DYSF: variants seen among roughly 807,000 people sequenced by gnomAD.
DYSF encodes the protein dysferlin, also known as dystrophy-associated fer-1-like 1.
In DYSF, 212 loss-of-function variants were observed where a neutral mutation model predicts 274.9. The ratio of observed to expected loss-of-function variants is 0.77; its 90% CI spans 0.69 to 0.86. DYSF has a LOEUF of 0.86. DYSF is among the 40% of genes least tolerant of loss of function. DYSF has a pLI of 0.00. For synonymous variants in DYSF, 1,091 were observed against 1,078.7 expected, an observed-to-expected ratio of 1.01 and a Z score of -0.22; for missense variants, 2,666 against 2,783.2, an observed-to-expected ratio of 0.96 and a Z score of 0.95.
chr2:71,510,030 G>A (rs970268829), intron 4 of DYSF, among the ~76,000 whole-genome samples: 1 of 152,144 alleles, frequency 6.6e-6, no homozygotes, highest in African/African-American at 2.4e-5. Context: ...CGCCTGGCTC[G>A]GCCTCCCAAA....
chr2:71,668,186 C>G (rs905427915), intron 48 of DYSF, among the ~76,000 whole-genome samples: 1 of 152,206 alleles, frequency 6.6e-6, no homozygotes, highest in Non-Finnish European at 1.5e-5. Context: ...TTGTTTGGAA[C>G]TGAGCTCTCT....
chr2:71,472,913 TC>T (rs1483163177), intron 1 of DYSF, among the ~76,000 whole-genome samples: 1 of 152,248 alleles, frequency 6.6e-6, no homozygotes, highest in Non-Finnish European at 1.5e-5. Flanking sequence ...TGTTTGTTTT[TC>T]TTTAATTGGC....
chr2:71,586,794 A>G (rs1434455730), intron 30 of DYSF, among the ~76,000 whole-genome samples: 1 of 151,970 alleles, frequency 6.6e-6, no homozygotes, highest in Non-Finnish European at 1.5e-5. Context: ...GGAGAGAGGA[A>G]GGATGGGGCC....
At chr2:71,684,315 G>A (rs2095330350) in intron 55 of DYSF, among the ~76,000 whole-genome samples, 3 of 152,218 alleles carry the variant, frequency 2.0e-5, no homozygotes, top group Admixed American at 2.0e-4. Context: ...TGAGATCCGG[G>A]GTCAGGCCCC....
At chr2:71,453,989 C>G (rs939132018) in exon 1 of DYSF, 4 of 1,613,976 alleles carry the variant, frequency 2.5e-6, no homozygotes, top group Middle Eastern at 1.6e-4. Context: ...GGGCCCTACA[C>G]GCGCCAAGCA....
chr2:71,470,987 G>A (rs1356282106), intron 1 of DYSF, among the ~76,000 whole-genome samples: 1 of 151,796 alleles, frequency 6.6e-6, no homozygotes, highest in Non-Finnish European at 1.5e-5. Context: ...GTAGAGATGG[G>A]GTTTCACCAT....
At chr2:71,645,099 G>T (rs1466598212) in intron 42 of DYSF, among the ~76,000 whole-genome samples, 5 of 152,160 alleles carry the variant, frequency 3.3e-5, no homozygotes, top group Non-Finnish European at 5.9e-5. Context: ...TGTTACAGAG[G>T]ACTATTTCAG....
At chr2:71,554,061 G>T in intron 21 of DYSF, 130 bp downstream of exon 21, 1 of 1,409,616 alleles carries the variant, frequency 7.1e-7, no homozygotes, top group Non-Finnish European at 9.9e-7. Flanking sequence ...GACCTTTGTG[G>T]TTGGTGTCCT....
intron 14 of DYSF, among the ~76,000 whole-genome samples, chr2:71,528,655 G>T (rs763386866): frequency 6.6e-6 from 1 of 152,210 alleles, no homozygotes; most frequent in Non-Finnish European, 1.5e-5. Context: ...AGGAGAGGAC[G>T]TTGGATGGTG....
intron 3 of DYSF, among the ~76,000 whole-genome samples, chr2:71,488,140 C>G (rs1330786492): frequency 6.6e-6 from 1 of 151,920 alleles, no homozygotes; most frequent in Non-Finnish European, 1.5e-5. Context: ...TGAGCCAAAT[C>G]TGTGTTGGGA....
chr2:71,641,841 A>T (rs895340388), intron 41 of DYSF, among the ~76,000 whole-genome samples: 1 of 152,188 alleles, frequency 6.6e-6, no homozygotes. Flanking sequence ...GTTTTATTGC[A>T]GTATGGTCAG....
chr2:71,517,671 C>T (rs905280874), intron 10 of DYSF, among the ~76,000 whole-genome samples: 1 of 152,108 alleles, frequency 6.6e-6, no homozygotes, highest in Non-Finnish European at 1.5e-5. Flanking sequence ...AGTTAGGCTC[C>T]TATCTTCCGA....
At chr2:71,505,070 A>G (rs921273665) in intron 4 of DYSF, among the ~76,000 whole-genome samples, 4 of 152,220 alleles carry the variant, frequency 2.6e-5, no homozygotes, top group South Asian at 2.1e-4. Flanking sequence ...CTAGCTGAGC[A>G]CAGGCTGGAA....
At chr2:71,553,279 G>A (rs555225620) in intron 20 of DYSF, 91 bp downstream of exon 20, 1 of 1,584,186 alleles carries the variant, frequency 6.3e-7, no homozygotes, top group African/African-American at 1.3e-5. Context: ...AAAGCTGCCA[G>A]AGTCTACTCA....
intron 37 of DYSF, 42 bp from the exon 38 acceptor site, chr2:71,611,423 C>T (rs2093758506): frequency 6.2e-7 from 1 of 1,613,986 alleles, no homozygotes; most frequent in African/African-American, 1.3e-5. Flanking sequence ...TTTCCTGGGG[C>T]CCGGGGCCTT....
Position 71,572,232 on chromosome 2 carries a change from T to TCACACCCA in DYSF, c.3228+1491_3228+1492insCACACCCA, listed in dbSNP as rs1559194207. Reference sequence around the variant, plus strand: ...CCCAGCACAGATCACACCCAGCACATGCACAGATCACACCTAGCACACCCA... The same window carrying TCACACCCA: ...CCCAGCACAGATCACACCCAGCACATCACACCCAGCACAGATCACACCTAGCACACCCA... On this transcript the variant is annotated intron_variant, in intron 29 of 55. Transcript: ENST00000410020. Among the ~76,000 whole-genome samples, 118 of 129,440 alleles carry TCACACCCA rather than the reference T, an allele frequency of 9.1e-4. 1 individual carries two copies. Among genetic ancestry groups the TCACACCCA allele is most frequent in the African/African-American group, 3.7e-3 (111 of 30,166 alleles). 84.9% of individuals were successfully genotyped at this position (129,440 alleles called of 152,430 possible). A position where few individuals can be genotyped will look rare whatever the true frequency, so the allele number is the denominator to read the frequency against.
chr2:71,468,225 G>A (rs558519687), intron 1 of DYSF, among the ~76,000 whole-genome samples: 1 of 152,282 alleles, frequency 6.6e-6, no homozygotes, highest in Non-Finnish European at 1.5e-5. Context: ...ACCATTGGCT[G>A]GAAAAGAAAT....
intron 30 of DYSF, among the ~76,000 whole-genome samples, chr2:71,582,311 G>A (rs1378019244): frequency 2.0e-5 from 3 of 152,104 alleles, no homozygotes; most frequent in Non-Finnish European, 2.9e-5. Context: ...GGCATGTACC[G>A]TGGGCCAGCC....
chr2:71,588,526 G>A (rs950596814), intron 30 of DYSF, among the ~76,000 whole-genome samples: 2 of 152,118 alleles, frequency 1.3e-5, no homozygotes, highest in Non-Finnish European at 2.9e-5. Context: ...TGGTTCCAGG[G>A]TGAAGGTCAG....
Sources: gnomAD v4.1 joint callset for allele counts (sites outside exome capture counted in the v4.1 genomes callset) on GRCh38, gnomAD v4.1.1 for gene constraint, MANE v1.5 for transcripts, NCBI Gene and HGNC (gene_info 2026-07-23, HGNC 2026-07-21) for gene names.